Variants in TUT4 observed in about 807,000 individuals in gnomAD.
The protein encoded by TUT4 is terminal uridylyl transferase 4.
Under a neutral mutation model 192.2 loss-of-function variants are expected in TUT4, and 36 were observed. The ratio of observed to expected loss-of-function variants is 0.19; its 90% CI spans 0.14 to 0.25. The LOEUF (loss-of-function observed/expected upper bound fraction) is 0.25, where lower values mean the gene tolerates loss of function less well. Ranked by LOEUF, TUT4 falls within the 10% of genes least tolerant of loss-of-function variation. The pLI is 1.00. For synonymous variants in TUT4, 618 were observed against 666.0 expected, an observed-to-expected ratio of 0.93 and a Z score of 1.11; for missense variants, 1,493 against 1,957.2, an observed-to-expected ratio of 0.76 and a Z score of 4.47.
intron 4 of TUT4, among the ~76,000 whole-genome samples, chr1:52,507,475 T>C (rs1318927959): frequency 6.6e-6 from 1 of 152,194 alleles, no homozygotes; most frequent in Non-Finnish European, 1.5e-5. Flanking sequence ...CTGTATTTTT[T>C]TTTTGTTTGT....
chr1:52,452,576 TGAA>T (rs2148559623), intron 20 of TUT4, among the ~76,000 whole-genome samples: 1 of 152,276 alleles, frequency 6.6e-6, no homozygotes, highest in South Asian at 2.1e-4. Flanking sequence ...GCATATGTAA[TGAA>T]GCCTCCATAA....
intron 25 of TUT4, 124 bp from the exon 26 acceptor site, chr1:52,437,102 A>C (rs1384957531): frequency 7.3e-7 from 1 of 1,365,296 alleles, no homozygotes; most frequent in Non-Finnish European, 9.7e-7. Flanking sequence ...TTTTGAAGGC[A>C]AGGGAACAAA....
intron 28 of TUT4, among the ~76,000 whole-genome samples, chr1:52,428,630 A>T (rs940424722): frequency 2.0e-5 from 3 of 150,142 alleles, no homozygotes; most frequent in African/African-American, 7.3e-5. Context: ...CCTCTAAAAA[A>T]AAAAAAAAAA....
intron 14 of TUT4, among the ~76,000 whole-genome samples, chr1:52,469,952 T>C (rs1665268847): frequency 6.7e-6 from 1 of 149,978 alleles, no homozygotes. Context: ...TTTATATACA[T>C]AGGTTAGTAT....
intron 5 of TUT4, among the ~76,000 whole-genome samples, chr1:52,495,993 T>C (rs1672350184): frequency 6.6e-6 from 1 of 152,000 alleles, no homozygotes; most frequent in South Asian, 2.1e-4. Context: ...CCCAAAACAC[T>C]GTGGTTCTCA....
In TUT4 at chr1:52,509,513, T is replaced by C. The variant is rs188507188; in HGVS notation, c.999+83A>G. 8.4e-5 allele frequency: 72 copies of C among 857,322 alleles called. No individual in the cohort carries two copies. In the East Asian group the frequency reaches 1.2e-3, roughly 15 times the overall value. 53.1% of individuals were successfully genotyped at this position (857,322 alleles called of 1,614,324 possible). On this transcript the variant is annotated intron_variant, in intron 4 of 29. Coordinates refer to ENST00000257177, the MANE Select transcript of TUT4 (RefSeq NM_001009881.3). The stretch of plus-strand genomic sequence containing the variant: ...AATATAAGATTGGACAAATATTTCA[T>C]TTTTAGTTTCACAAATAAAAAATAT...
chr1:52,431,904 T>A (rs1652202384), intron 27 of TUT4: 1 of 157,184 alleles, frequency 6.4e-6, no homozygotes, highest in Admixed American at 6.3e-5. Flanking sequence ...TAAGCAATCA[T>A]AATAAGTATA....
intron 3 of TUT4, among the ~76,000 whole-genome samples, chr1:52,510,340 A>C (rs1676821533): frequency 6.7e-6 from 1 of 149,960 alleles, no homozygotes; most frequent in South Asian, 2.1e-4. Context: ...AAAAAAAAAA[A>C]AGAAAAGTGG....
chr1:52,471,165 G>A (rs1008798471), intron 14 of TUT4, among the ~76,000 whole-genome samples: 1 of 151,632 alleles, frequency 6.6e-6, no homozygotes, highest in Non-Finnish European at 1.5e-5. Flanking sequence ...TACAGGCACC[G>A]GCCACCATGC....
At chr1:52,457,237 TTTTC>T (rs1276093612) in intron 20 of TUT4, among the ~76,000 whole-genome samples, 1 of 151,922 alleles carries the variant, frequency 6.6e-6, no homozygotes, top group African/African-American at 2.4e-5. Flanking sequence ...CTTTTTTTTC[TTTTC>T]TTTTTTTTTT....
chr1:52,544,220 G>A (rs1302339056), intron 1 of TUT4, among the ~76,000 whole-genome samples: 11 of 151,772 alleles, frequency 7.2e-5, no homozygotes, highest in African/African-American at 1.2e-4. Flanking sequence ...CCTGGGAGGC[G>A]GAGCTTGCAG....
chr1:52,437,069 C>T (rs1654012442), intron 25 of TUT4, 91 bp from the exon 26 acceptor site: 1 of 1,485,468 alleles, frequency 6.7e-7, no homozygotes. Flanking sequence ...AAAGGACTAA[C>T]ATGCCCATCA....
chr1:52,524,595 C>T (rs545568459), intron 2 of TUT4, among the ~76,000 whole-genome samples: 3 of 151,702 alleles, frequency 2.0e-5, no homozygotes, highest in African/African-American at 7.3e-5. Context: ...ATCAAAAGGT[C>T]AGGAGTTCAA....
At chr1:52,483,727 T>C (rs1376687442) in intron 9 of TUT4, among the ~76,000 whole-genome samples, 1 of 152,062 alleles carries the variant, frequency 6.6e-6, no homozygotes, top group Non-Finnish European at 1.5e-5. Context: ...GGAGAATCAC[T>C]TGAACCCAGG....
chr1:52,548,422 C>T (rs950296654), intron 1 of TUT4, among the ~76,000 whole-genome samples: 1 of 152,134 alleles, frequency 6.6e-6, no homozygotes, highest in South Asian at 2.1e-4. Context: ...GAATTTAACT[C>T]TCTGTACACA....
intron 20 of TUT4, among the ~76,000 whole-genome samples, chr1:52,447,700 G>A (rs1657983794): frequency 6.6e-6 from 1 of 152,126 alleles, no homozygotes; most frequent in Non-Finnish European, 1.5e-5. Context: ...AAGTAGGAAG[G>A]TGCAACAGAT....
chr1:52,475,846 G>GA (rs1666939428), intron 12 of TUT4, among the ~76,000 whole-genome samples: 1 of 147,688 alleles, frequency 6.8e-6, no homozygotes. Flanking sequence ...GGAAAAAGGA[G>GA]TTTTTTTTTT....
At chr1:52,543,038 A>G (rs1464456289) in intron 1 of TUT4, among the ~76,000 whole-genome samples, 1 of 152,174 alleles carries the variant, frequency 6.6e-6, no homozygotes, top group Non-Finnish European at 1.5e-5. Context: ...TACAGGCGTG[A>G]GCCACCATGC....
At chr1:52,454,660 A>G (rs1364200775) in intron 20 of TUT4, among the ~76,000 whole-genome samples, 3 of 152,212 alleles carry the variant, frequency 2.0e-5, no homozygotes, top group Non-Finnish European at 4.4e-5. Context: ...GAGTATAGTG[A>G]TATCTTTTTA....
Sources: gnomAD v4.1 joint callset for allele counts (sites outside exome capture counted in the v4.1 genomes callset) on GRCh38, gnomAD v4.1.1 for gene constraint, MANE v1.5 for transcripts, NCBI Gene and HGNC (gene_info 2026-07-23, HGNC 2026-07-21) for gene names.